Variants in KIAA1549L observed in about 807,000 individuals in gnomAD.
KIAA1549L encodes the protein UPF0606 protein KIAA1549L.
KIAA1549L carries 88 observed loss-of-function variants against 160.7 expected under a neutral mutation model. That is an observed-to-expected ratio of 0.55 (90% confidence interval 0.46 to 0.65). The LOEUF (loss-of-function observed/expected upper bound fraction) is 0.65, where lower values mean the gene tolerates loss of function less well. Ranked by LOEUF, KIAA1549L falls within the 30% of genes least tolerant of loss-of-function variation. The pLI, the probability that KIAA1549L is intolerant of heterozygous loss-of-function variation, is 0.00. For missense variants in KIAA1549L, 2,258 were observed against 2,437.5 expected, an observed-to-expected ratio of 0.93 and a Z score of 1.55; for synonymous variants, 950 against 976.7, an observed-to-expected ratio of 0.97 and a Z score of 0.51.
intron 20 of KIAA1549L, among the ~76,000 whole-genome samples, chr11:33,666,120 A>C (rs1421366063): frequency 1.3e-5 from 2 of 151,860 alleles, no homozygotes; most frequent in African/African-American, 4.8e-5. Flanking sequence ...GGAGGCTCGA[A>C]TCCACAGCAC....
rs1022497265 is a variant in KIAA1549L, at chr11:33,654,120, G to C, written c.5761-1892G>C. 9.2e-4 allele frequency among the ~76,000 whole-genome samples: 139 copies of C among 151,862 alleles called. 2 individuals are homozygous for C. The Middle Eastern group carries it at 0.01, about 11-fold the overall frequency. ...CCCGAGTAGCTGGGATTACAGGTGC[G>C]TGCCACCACGCCCAGCTAATTTTTT... On this transcript the variant is annotated intron_variant, in intron 17 of 20. Transcript: ENST00000658780.
chr11:33,609,116 C>T lies in KIAA1549L; in HGVS notation c.5062-633C>T, dbSNP rs150057632. On this transcript the variant is annotated intron_variant, in intron 14 of 20. Coordinates refer to ENST00000658780, the MANE Select transcript of KIAA1549L (RefSeq NM_012194.3). ...CGTTCCCTTCTGAAAGACCAGACTG[C>T]CTTTGCCCTATAGGGCAGGACCTGG... 1.7e-3 allele frequency among the ~76,000 whole-genome samples: 257 copies of T among 152,354 alleles called. 1 individual carries two copies. The highest frequency in any genetic ancestry group is 5.7e-3 in the African/African-American group (235 of 41,578).
intron 11 of KIAA1549L, among the ~76,000 whole-genome samples, chr11:33,587,725 A>G (rs539439257): frequency 6.6e-6 from 1 of 152,352 alleles, no homozygotes; most frequent in East Asian, 1.9e-4. Flanking sequence ...TCCAGTGGAT[A>G]ACTTTAACCC....
chr11:33,404,228 T>G (rs576729727), intron 1 of KIAA1549L, among the ~76,000 whole-genome samples: 2 of 152,298 alleles, frequency 1.3e-5, no homozygotes, highest in East Asian at 3.9e-4. Context: ...AGAGTTTCAA[T>G]AAAATCTTCA....
rs1854171401 is a variant in KIAA1549L, at chr11:33,544,629, C to T, written c.2774-138C>T. 4.4e-6 allele frequency: 5 copies of T among 1,143,194 alleles called. No individual in the cohort carries two copies. The East Asian group carries it at 1.3e-4, about 29-fold the overall frequency. The allele number at this position is 1,143,194 out of a possible 1,614,324, so 70.8% of individuals were successfully genotyped here. On this transcript the variant is annotated intron_variant, in intron 2 of 20. Coordinates refer to ENST00000658780, the MANE Select transcript of KIAA1549L (RefSeq NM_012194.3). ...AGTTTATGAGCCTAGAGTTGTTTTG[C>T]CTAAGTTCTGTCCACTGCAAGCCCA...
chr11:33,530,436 A>AATATATATATATATAT (rs869093534), intron 1 of KIAA1549L, among the ~76,000 whole-genome samples: 1 of 11,890 alleles, frequency 8.4e-5, no homozygotes, highest in Admixed American at 1.4e-3. Context: ...AAAAAAAAAA[A>AATATATATATATATAT]ATATATATAT....
chr11:33,567,073 C>T (rs1855072794), intron 8 of KIAA1549L, among the ~76,000 whole-genome samples: 1 of 152,152 alleles, frequency 6.6e-6, no homozygotes, highest in Non-Finnish European at 1.5e-5. Flanking sequence ...TAAGTGAACA[C>T]AGCAGTCCTA....
intron 8 of KIAA1549L, among the ~76,000 whole-genome samples, chr11:33,567,213 C>A (rs991598737): frequency 6.6e-6 from 1 of 152,188 alleles, no homozygotes; most frequent in Non-Finnish European, 1.5e-5. Context: ...AAAGGATGGG[C>A]AAGAAGGGTG....
rs1165963658 is a variant in KIAA1549L, at chr11:33,579,429, C to CT, written c.4403-3906dup. 3.3e-5 allele frequency among the ~76,000 whole-genome samples: 5 copies of CT among 152,316 alleles called. No homozygotes were observed. The East Asian group carries it at 9.7e-4, about 29-fold the overall frequency. On this transcript the variant is annotated intron_variant, in intron 10 of 20. Transcript: ENST00000658780. ...AACAATGCCTCTCCTCTCCAGTCCC[C>CT]TTTCCATCTTCATTAGTTGCACCCT...
At chr11:33,476,850 C>T (rs552142615) in intron 1 of KIAA1549L, among the ~76,000 whole-genome samples, 1 of 152,324 alleles carries the variant, frequency 6.6e-6, no homozygotes, top group Non-Finnish European at 1.5e-5. Flanking sequence ...AAAACCTATT[C>T]CTACTTGAAC....
In KIAA1549L at chr11:33,629,071, C is replaced by T. The variant is rs543593746; in HGVS notation, c.5409+10409C>T. On this transcript the variant is annotated intron_variant, in intron 16 of 20. Transcript: ENST00000658780. ...GCTTAGTTTGGCTGGATATGAAATT[C>T]TGGGTTGAAAATTCTTTTCTTTAAG... Among the ~76,000 whole-genome samples the T allele has an allele frequency of 5.3e-5, 8 of 152,012 alleles. No individual in the cohort carries two copies. The South Asian group carries it at 1.5e-3, about 28-fold the overall frequency.
At chr11:33,451,330 G>T (rs546128585) in intron 1 of KIAA1549L, among the ~76,000 whole-genome samples, 1 of 152,172 alleles carries the variant, frequency 6.6e-6, no homozygotes, top group Non-Finnish European at 1.5e-5. Context: ...GTTGAAGGTG[G>T]ATATTGCTTC....
chr11:33,569,884 A>G (rs2133236923), intron 9 of KIAA1549L, among the ~76,000 whole-genome samples: 1 of 152,308 alleles, frequency 6.6e-6, no homozygotes, highest in South Asian at 2.1e-4. Context: ...TGGGATTTGC[A>G]TCAGCCAAAG....
intron 1 of KIAA1549L, among the ~76,000 whole-genome samples, chr11:33,480,015 C>T (rs758983345): frequency 2.6e-5 from 4 of 152,028 alleles, no homozygotes; most frequent in Non-Finnish European, 4.4e-5. Flanking sequence ...CTCCATGTAT[C>T]AGAGTTGGAG....
intron 1 of KIAA1549L, among the ~76,000 whole-genome samples, chr11:33,441,407 A>G (rs1366067209): frequency 6.6e-6 from 1 of 151,938 alleles, no homozygotes; most frequent in African/African-American, 2.4e-5. Context: ...TTATAGCAGC[A>G]TGATTTATAA....
intron 1 of KIAA1549L, among the ~76,000 whole-genome samples, chr11:33,523,268 G>C (rs1418160113): frequency 6.6e-6 from 1 of 152,192 alleles, no homozygotes; most frequent in Non-Finnish European, 1.5e-5. Context: ...GAGTTCTGCA[G>C]TCAACTCATT....
In KIAA1549L at chr11:33,563,460, T is replaced by C. The variant is rs180960792; in HGVS notation, c.4078+1725T>C. 2.4e-3 allele frequency among the ~76,000 whole-genome samples: 370 copies of C among 151,436 alleles called. 3 individuals carry two copies. Among genetic ancestry groups the C allele is most frequent in the African/African-American group, 8.5e-3 (349 of 41,200 alleles). On this transcript the variant is annotated intron_variant, in intron 8 of 20. Transcript: ENST00000658780. ...AGATGTGCCTGGGTAAGCAGCCTGG[T>C]CCCAAACCTCCCCTCTGTCCTCTCC...
intron 16 of KIAA1549L, among the ~76,000 whole-genome samples, chr11:33,635,923 ACTATGAT>A (rs1851425097): frequency 1.3e-5 from 2 of 152,216 alleles, no homozygotes; most frequent in Non-Finnish European, 2.9e-5. Flanking sequence ...CTTACGGTCA[ACTATGAT>A]CTGAAAATAT....
At position 33,574,659 on chromosome 11, in the gene KIAA1549L, T is replaced by C. The variant is rs972438408; in HGVS notation, c.4231-43T>C. ...ATCACCTGGGTGATTGCAGGGTCCA[T>C]GCAAAATGCCCTGCAAACACTCGGC... is the stretch of plus-strand genomic sequence containing the variant. On this transcript the variant is annotated intron_variant, in intron 9 of 20. Coordinates refer to ENST00000658780, the MANE Select transcript of KIAA1549L (RefSeq NM_012194.3). The C allele has an allele frequency of 1.9e-6, 3 of 1,579,074 alleles. No individual in the cohort carries two copies. In the African/African-American group the frequency reaches 4.0e-5, roughly 21 times the overall value.
Sources: allele counts gnomAD v4.1 joint callset (sites outside exome capture counted in the v4.1 genomes callset), GRCh38; gene constraint gnomAD v4.1.1; transcripts MANE v1.5; gene names NCBI Gene and HGNC (gene_info 2026-07-23, HGNC 2026-07-21).